The following MATN2 variants were observed in gnomAD, a reference collection of about 807,000 sequenced individuals.
MATN2 encodes matrilin 2, also known as matrilin-2.
In MATN2, 69 loss-of-function variants were observed where a neutral mutation model predicts 103.2. That is an observed-to-expected ratio of 0.67 (90% CI 0.55 to 0.82). The LOEUF (loss-of-function observed/expected upper bound fraction) is 0.82, where lower values mean the gene tolerates loss of function less well. MATN2 is among the 40% of genes least tolerant of loss of function. The pLI, the probability that MATN2 is intolerant of heterozygous loss-of-function variation, is 0.00. For missense variants in MATN2, 1,023 were observed against 1,211.5 expected (o/e 0.84, Z 2.31); for synonymous variants, 429 against 450.2 (o/e 0.95, Z 0.60).
chr8:98,030,639 T>C (rs1419269099), intron 15 of MATN2, 25 bp downstream of exon 15: 4 of 1,599,286 alleles, frequency 2.5e-6, no homozygotes, highest in Non-Finnish European at 3.4e-6. Context: ...GCCGAAGACC[T>C]TAGCAAACAA....
chr8:97,895,028 A>G (rs1053515833), intron 2 of MATN2, among the ~76,000 whole-genome samples: 2 of 152,040 alleles, frequency 1.3e-5, no homozygotes, highest in African/African-American at 4.8e-5. Context: ...GCCCGCCACC[A>G]TGCCCGGCTA....
At chr8:97,904,238 G>A (rs1010088146) in intron 2 of MATN2, among the ~76,000 whole-genome samples, 14 of 152,210 alleles carry the variant, frequency 9.2e-5, no homozygotes, top group African/African-American at 3.4e-4. Context: ...AATCCCTTCT[G>A]TAGGGGAAAT....
chr8:97,952,846 G>A (rs1811003544), intron 4 of MATN2, among the ~76,000 whole-genome samples: 1 of 150,148 alleles, frequency 6.7e-6, no homozygotes, highest in East Asian at 2.0e-4. Flanking sequence ...ATTTAGCATA[G>A]AACTCAAAAA....
At chr8:98,006,326 A>C (rs1269031705) in intron 8 of MATN2, among the ~76,000 whole-genome samples, 1 of 152,208 alleles carries the variant, frequency 6.6e-6, no homozygotes, top group Non-Finnish European at 1.5e-5. Context: ...ACTAATTCTT[A>C]CTCAGCACTA....
rs138475492 is a variant in MATN2, at chr8:98,030,593, C to G, written c.2488C>G (p.Leu830Val). Reference protein sequence around the residue: ...FSTMDEISEKLKKGICEALED... With the variant: ...FSTMDEISEKVKKGICEALED... ...CACAATGGATGAGATAAGTGAAAAA[C>G]TCAAGAAAGGCATCTGTGAAGGTAC... Residue 830 changes from leucine (L) to valine (V), a missense_variant, in exon 15 of 19, where the codon CTC (leucine) becomes GTC (valine). By Grantham distance (32) the Leu-to-Val change is conservative. Coordinates refer to ENST00000254898, the MANE Select transcript of MATN2 (RefSeq NM_002380.5). The G allele has an allele frequency of 5.0e-6, 8 of 1,613,942 alleles. No homozygotes were observed. The East Asian group carries it at 1.8e-4, about 36-fold the overall frequency.
chr8:97,885,815 T>C (rs1245018409), intron 1 of MATN2, among the ~76,000 whole-genome samples: 1 of 151,978 alleles, frequency 6.6e-6, no homozygotes, highest in African/African-American at 2.4e-5. Flanking sequence ...AGAGTTTAAA[T>C]GGTTTAAAAA....
At chr8:97,969,550 G>A (rs904733944) in intron 5 of MATN2, among the ~76,000 whole-genome samples, 18 of 152,176 alleles carry the variant, frequency 1.2e-4, no homozygotes, top group African/African-American at 4.1e-4. Flanking sequence ...TTGGATTGCA[G>A]TCACATGTAG....
chr8:97,942,162 TGG>T (rs1810591075), intron 4 of MATN2, among the ~76,000 whole-genome samples: 1 of 152,238 alleles, frequency 6.6e-6, no homozygotes, highest in Non-Finnish European at 1.5e-5. Context: ...ATGTGTGAAC[TGG>T]TCTCCTTTAC....
intron 3 of MATN2, among the ~76,000 whole-genome samples, chr8:97,933,307 G>A (rs1810260138): frequency 6.6e-6 from 1 of 152,148 alleles, no homozygotes; most frequent in South Asian, 2.1e-4. Context: ...ACATTTTCAA[G>A]GTTTATGACT....
At chr8:97,881,615 CCTCT>C (rs770875691) in intron 1 of MATN2, among the ~76,000 whole-genome samples, 14 of 152,202 alleles carry the variant, frequency 9.2e-5, no homozygotes, top group South Asian at 2.1e-4. Flanking sequence ...ACTGAATTAA[CCTCT>C]CTATTTCTCA....
At chr8:97,878,973 G>A (rs1359807536) in intron 1 of MATN2, among the ~76,000 whole-genome samples, 4 of 152,070 alleles carry the variant, frequency 2.6e-5, no homozygotes, top group Non-Finnish European at 5.9e-5. Flanking sequence ...GCAGAACCAG[G>A]GCCATTTTGC....
intron 2 of MATN2, among the ~76,000 whole-genome samples, chr8:97,921,915 G>A (rs955746960): frequency 2.0e-5 from 3 of 152,218 alleles, no homozygotes; most frequent in Non-Finnish European, 4.4e-5. Context: ...GAACCAGGCC[G>A]CACAGCAGGA....
At chr8:97,876,492 T>C (rs1198325693) in intron 1 of MATN2, among the ~76,000 whole-genome samples, 1 of 151,848 alleles carries the variant, frequency 6.6e-6, no homozygotes, top group African/African-American at 2.4e-5. Flanking sequence ...CCTGGACAAT[T>C]CATGTATTTT....
intron 2 of MATN2, among the ~76,000 whole-genome samples, chr8:97,890,510 A>T (rs2129988479): frequency 6.6e-6 from 1 of 151,488 alleles, no homozygotes; most frequent in Admixed American, 6.6e-5. Context: ...TCATGAAACC[A>T]GAAAGCAAAC....
At chr8:97,932,022 T>C (rs949979993) in intron 3 of MATN2, among the ~76,000 whole-genome samples, 18 of 152,178 alleles carry the variant, frequency 1.2e-4, no homozygotes, top group African/African-American at 4.3e-4. Context: ...TATATAATTA[T>C]ACAAATAAGT....
chr8:97,873,974 A>G (rs1214538808), intron 1 of MATN2, among the ~76,000 whole-genome samples: 1 of 152,070 alleles, frequency 6.6e-6, no homozygotes, highest in African/African-American at 2.4e-5. Flanking sequence ...TTGCCCCATC[A>G]ACAGCATTTG....
At chr8:97,916,385 A>AT (rs1286622858) in intron 2 of MATN2, among the ~76,000 whole-genome samples, 1 of 152,094 alleles carries the variant, frequency 6.6e-6, no homozygotes, top group Non-Finnish European at 1.5e-5. Flanking sequence ...ATTGTTTTTA[A>AT]TTTTAACTTT....
At chr8:97,878,038 G>A (rs1818132841) in intron 1 of MATN2, among the ~76,000 whole-genome samples, 2 of 151,898 alleles carry the variant, frequency 1.3e-5, no homozygotes, top group South Asian at 2.1e-4. Flanking sequence ...ATGTTAGAGA[G>A]GCAGGTAAGG....
intron 3 of MATN2, among the ~76,000 whole-genome samples, chr8:97,941,227 G>A (rs1161187928): frequency 6.9e-6 from 1 of 145,066 alleles, no homozygotes; most frequent in East Asian, 2.1e-4. Context: ...ATCTTAAATT[G>A]AGACATAAAG....
Sources: gnomAD v4.1 joint callset for allele counts (sites outside exome capture counted in the v4.1 genomes callset) on GRCh38, gnomAD v4.1.1 for gene constraint, MANE v1.5 for transcripts, NCBI Gene and HGNC (gene_info 2026-07-23, HGNC 2026-07-21) for gene names.